Variants in ALDOA observed in about 807,000 individuals in gnomAD.
The protein encoded by ALDOA is aldolase, fructose-bisphosphate A.
In ALDOA, 26 loss-of-function variants were observed where a neutral mutation model predicts 43.9. The observed-to-expected ratio is 0.59, with a 90% confidence interval of 0.43 to 0.82. ALDOA has a LOEUF of 0.82. ALDOA is among the 40% of genes least tolerant of loss of function. The probability of loss-of-function intolerance (pLI) is 0.00; values close to 1 mark genes in which losing one functional copy is unlikely to be tolerated. For missense variants in ALDOA, 498 were observed against 549.5 expected, an observed-to-expected ratio of 0.91 and a Z score of 0.94; for synonymous variants, 258 against 222.6, an observed-to-expected ratio of 1.16 and a Z score of -1.42.
At chr16:30,066,793 A>G (rs1299856756) in intron 1 of ALDOA, 92 bp from the exon 2 acceptor site, 6 of 1,405,336 alleles carry the variant, frequency 4.3e-6, no homozygotes, top group South Asian at 2.8e-5. Context: ...GACCTTTCCC[A>G]TATCTGGGCC....
In ALDOA at chr16:30,067,240, G is replaced by T. The variant is rs2151015433; in HGVS notation, c.148G>T (p.Ala50Ser). 6.2e-7 allele frequency: 1 copy of T among 1,612,208 alleles called. No homozygotes were observed. Among genetic ancestry groups the T allele is most frequent in the East Asian group, 2.2e-5 (1 of 44,872 alleles). The change falls in exon 3 of 10, where the codon GCT (alanine) becomes TCT (serine). Residue 50 changes from alanine to serine, a missense_variant. Physicochemically the swap from Ala to Ser is moderately conservative, Grantham distance 99. Transcript: ENST00000642816. ...CTCTGTTTCCTGTATCCAGGAACTT[G>T]CTACTACCAGCACCATGCCCTACCA... ...QHQTELGKEL[A>S]TTSTMPYQYP...
At position 30,069,380 on chromosome 16, in the gene ALDOA, G is replaced by T; in HGVS notation, c.777G>T (p.Val259=). ...ATGACTTGAAGCGCTGCCAGTATGT[G>T]ACCGAGAAGGTAAATGGCTACCTGC... ...GDHDLKRCQY[V]TEKVLAAVYK... is the part of the protein sequence containing the mutation. The change falls in exon 7 of 10, where the codon GTG becomes GTT. Residue 259 remains valine (V), a synonymous_variant. Transcript: ENST00000642816. The T allele has an allele frequency of 6.2e-7, 1 of 1,614,166 alleles. No individual in the cohort carries two copies. The highest frequency in any genetic ancestry group is 1.1e-5 in the South Asian group (1 of 91,078).
At chr16:30,068,783 C>A (rs370218762) in intron 5 of ALDOA, 35 bp from the exon 6 acceptor site, 25 of 1,614,084 alleles carry the variant, frequency 1.5e-5, no homozygotes, top group Non-Finnish European at 2.0e-5. Context: ...ACATGCCCCT[C>A]CCCACCGTGC....
chr16:30,067,716 C>G (rs925023348), intron 4 of ALDOA, 55 bp downstream of exon 4: 2 of 1,601,400 alleles, frequency 1.2e-6, no homozygotes, highest in South Asian at 2.2e-5. Context: ...GGAAGGAAAT[C>G]CAGGTTAGTG....
chr16:30,070,336 G>GT lies in ALDOA; in HGVS notation c.*124_*125insT. 1 of 853,222 alleles carries GT rather than the reference G, an allele frequency of 1.2e-6. No individual in the cohort carries two copies. Among genetic ancestry groups the GT allele is most frequent in the Non-Finnish European group, 1.9e-6 (1 of 514,292 alleles). 52.9% of individuals were successfully genotyped at this position (853,222 alleles called of 1,614,324 possible). ...GCGCTCTTTCTTCCCTCGTGACAGT[G>GT]GTGTGTGGTGTCGTCTGTGAATGCT... is the stretch of plus-strand genomic sequence containing the variant. On this transcript the variant is annotated 3_prime_UTR_variant, in exon 10 of 10. Coordinates refer to ENST00000642816, the MANE Select transcript of ALDOA (RefSeq NM_001243177.4).
At position 30,067,230 on chromosome 16, in the gene ALDOA, C is replaced by T. The variant is rs1391562103; in HGVS notation, c.142-4C>T. On this transcript the variant is annotated splice_region_variant and splice_polypyrimidine_tract_variant and intron_variant, in intron 2 of 9. Transcript: ENST00000642816. ...AGTCCTTCCCCTCTGTTTCCTGTAT[C>T]CAGGAACTTGCTACTACCAGCACCA... The T allele has an allele frequency of 6.2e-7, 1 of 1,612,204 alleles. No homozygotes were observed. Among genetic ancestry groups the T allele is most frequent in the Non-Finnish European group, 8.5e-7 (1 of 1,179,990 alleles).
rs1458333807 is a variant in ALDOA at position 30,067,282 on chromosome 16, C to G, written c.190C>G (p.Pro64Ala). Reference protein sequence around the residue: ...TMPYQYPALTPEQKKELSDIA... With the variant: ...TMPYQYPALTAEQKKELSDIA... ...GCCCTACCAATATCCAGCACTGACC[C>G]CGGAGCAGAAGAAGGAGCTGTCTGA... is the stretch of plus-strand genomic sequence containing the variant. Residue 64 changes from proline to alanine, a missense_variant, in exon 3 of 10, where the codon CCG becomes GCG. Physicochemically the swap from Pro to Ala is conservative, Grantham distance 27. Coordinates refer to ENST00000642816, the MANE Select transcript of ALDOA (RefSeq NM_001243177.4). 7 of 1,612,576 alleles carry G rather than the reference C, an allele frequency of 4.3e-6. No homozygotes were observed. The highest frequency in any genetic ancestry group is 5.1e-6 in the Non-Finnish European group (6 of 1,180,006).
chr16:30,070,373 C>T lies in ALDOA; in HGVS notation c.*161C>T. 4 of 677,824 alleles carry T rather than the reference C, an allele frequency of 5.9e-6. No homozygotes were observed. The South Asian group carries it at 6.7e-5, about 11-fold the overall frequency. 42.0% of individuals were successfully genotyped at this position (677,824 alleles called of 1,614,324 possible). ...CGTCTGTGAATGCTAAGTCCATCAC[C>T]CTTTCCGGCACACTGCCAAATAAAC... On this transcript the variant is annotated 3_prime_UTR_variant, in exon 10 of 10. Coordinates refer to ENST00000642816, the MANE Select transcript of ALDOA (RefSeq NM_001243177.4).
Position 30,068,831 on chromosome 16 carries a change from G to A in ALDOA, c.555G>A (p.Leu185=). 1.2e-6 allele frequency: 2 copies of A among 1,614,252 alleles called. No homozygotes were observed. Among genetic ancestry groups the A allele is most frequent in the South Asian group, 1.1e-5 (1 of 91,090 alleles). The change falls in exon 6 of 10, where the codon CTG becomes CTA. Residue 185 remains leucine, a synonymous_variant. Transcript: ENST00000642816. ...GETTTQGLDG[L]SERCAQYKKD... ...CTCTTCTCTTAGGGTTGGATGGGCT[G>A]TCTGAGCGCTGTGCCCAGTACAAGA...
intron 4 of ALDOA, 61 bp from the exon 5 acceptor site, chr16:30,068,585 A>C (rs1401950448): frequency 6.3e-7 from 1 of 1,577,594 alleles, no homozygotes; most frequent in African/African-American, 1.3e-5. Context: ...CCGGGGCGAC[A>C]GTGGAAAGGG....
chr16:30,067,688 G>A, intron 4 of ALDOA, 27 bp downstream of exon 4: 1 of 1,613,370 alleles, frequency 6.2e-7, no homozygotes, highest in East Asian at 2.2e-5. Flanking sequence ...CGGACGTGAG[G>A]TTTGAGATGG....
intron 4 of ALDOA, 192 bp from the exon 5 acceptor site, chr16:30,068,454 C>T (rs906271713): frequency 2.6e-5 from 18 of 679,846 alleles, no homozygotes; most frequent in Non-Finnish European, 4.9e-5. Context: ...TGGGGGAAGA[C>T]TGGGGCTAAA....
In ALDOA at chr16:30,067,324, G is replaced by T; in HGVS notation, c.232G>T (p.Val78Leu). Residue 78 changes from valine (V) to leucine (L), a missense_variant, in exon 3 of 10, where the codon GTG (valine) becomes TTG (leucine). Val to Leu is a conservative substitution (Grantham distance 32, BLOSUM62 1). Coordinates refer to ENST00000642816, the MANE Select transcript of ALDOA (RefSeq NM_001243177.4). The stretch of plus-strand genomic sequence containing the variant: ...GCTGTCTGACATCGCTCACCGCATC[G>T]TGGCACCTGGCAAGGGCATCCTGGC... Reference protein sequence around the residue: ...KELSDIAHRIVAPGKGILAAD... With the variant: ...KELSDIAHRILAPGKGILAAD... 6.2e-7 allele frequency: 1 copy of T among 1,613,560 alleles called. No homozygotes were observed. The highest frequency in any genetic ancestry group is 8.5e-7 in the Non-Finnish European group (1 of 1,180,020).
chr16:30,067,479 G>A lies in ALDOA; in HGVS notation c.304G>A (p.Gly102Ser). The A allele has an allele frequency of 1.2e-6, 2 of 1,613,266 alleles. No individual in the cohort carries two copies. The highest frequency in any genetic ancestry group is 1.7e-6 in the Non-Finnish European group (2 of 1,179,994). Residue 102 changes from glycine to serine, a missense_variant, in exon 4 of 10, where the codon GGC (glycine) becomes AGC (serine). By Grantham distance (56) the Gly-to-Ser change is moderately conservative. Transcript: ENST00000642816. ...GSIAKRLQSIGTENTEENRRF... is the reference protein window; with the variant it reads ...GSIAKRLQSISTENTEENRRF... Reference sequence around the variant, plus strand: ...CATTGCCAAGCGGCTGCAGTCCATTGGCACCGAGAACACCGAGGAGAACCG... The same window carrying A: ...CATTGCCAAGCGGCTGCAGTCCATTAGCACCGAGAACACCGAGGAGAACCG...
chr16:30,065,326 C>A (rs1343995206), upstream of ALDOA, among the ~76,000 whole-genome samples: 1 of 152,224 alleles, frequency 6.6e-6, no homozygotes. Context: ...TATGGTGACA[C>A]GCGCTGCAGC....
Position 30,069,830 on chromosome 16 carries a change from G to T in ALDOA, c.962G>T (p.Gly321Val). Residue 321 changes from glycine (G) to valine (V), a missense_variant and splice_region_variant, in exon 9 of 10, where the codon GGG becomes GTG. Coordinates refer to ENST00000642816, the MANE Select transcript of ALDOA (RefSeq NM_001243177.4). ...LRRTVPPAVT[G>V]ITFLSGGQSE... ...CTCTCGCCTCACCCCTGCTCTACAG[G>T]GATCACCTTCCTGTCTGGAGGCCAG... 6.2e-7 allele frequency: 1 copy of T among 1,614,096 alleles called. No homozygotes were observed. The highest frequency in any genetic ancestry group is 1.1e-5 in the South Asian group (1 of 91,070).
At chr16:30,066,584 T>C (rs1401156239) in intron 1 of ALDOA, among the ~76,000 whole-genome samples, 1 of 152,180 alleles carries the variant, frequency 6.6e-6, no homozygotes, top group Non-Finnish European at 1.5e-5. Flanking sequence ...CTCTCTTATA[T>C]TTTTCCTAAT....
In ALDOA at chr16:30,069,316, T is replaced by A; in HGVS notation, c.713T>A (p.Val238Glu). Residue 238 changes from valine (V) to glutamate (E), a missense_variant, in exon 7 of 10, where the codon GTG becomes GAG. Coordinates refer to ENST00000642816, the MANE Select transcript of ALDOA (RefSeq NM_001243177.4). ...YASICQQNGI[V>E]PIVEPEILPD... ...TCCCTCGCCCTGCAGAATGGCATTG[T>A]GCCCATCGTGGAGCCTGAGATCCTC... The A allele has an allele frequency of 6.2e-7, 1 of 1,614,174 alleles. No homozygotes were observed. The highest frequency in any genetic ancestry group is 8.5e-7 in the Non-Finnish European group (1 of 1,180,024).
At chr16:30,068,286 G>C (rs1288256936) in intron 4 of ALDOA, 1 of 351,764 alleles carries the variant, frequency 2.8e-6, no homozygotes, top group Non-Finnish European at 5.6e-6. Flanking sequence ...GGATGGTCTC[G>C]ATCTCCTGAT....
Sources: allele counts gnomAD v4.1 joint callset (sites outside exome capture counted in the v4.1 genomes callset), GRCh38; gene constraint gnomAD v4.1.1; transcripts MANE v1.5; gene names NCBI Gene and HGNC (gene_info 2026-07-23, HGNC 2026-07-21).